Variants in SLC24A2 observed in about 807,000 individuals in gnomAD.
SLC24A2 encodes sodium/potassium/calcium exchanger 2.
SLC24A2 carries 36 observed loss-of-function variants against 62.0 expected under a neutral mutation model. The observed-to-expected ratio is 0.58, with a 90% CI of 0.44 to 0.77. The LOEUF is 0.77. SLC24A2 is among the 30% of genes least tolerant of loss of function. The pLI is 0.00. For synonymous variants in SLC24A2, 358 were observed against 294.0 expected (o/e 1.22, Z -2.23); for missense variants, 846 against 817.9 (o/e 1.03, Z -0.42).
intron 2 of SLC24A2, among the ~76,000 whole-genome samples, chr9:19,730,455 T>C (rs1821302919): frequency 6.6e-6 from 1 of 152,186 alleles, no homozygotes. Context: ...TATATTTTTG[T>C]GATTATAGAA....
intron 2 of SLC24A2, among the ~76,000 whole-genome samples, chr9:19,683,016 TAGGG>T (rs1181432856): frequency 3.3e-5 from 5 of 152,114 alleles, no homozygotes; most frequent in Non-Finnish European, 5.9e-5. Context: ...GCAGTAAAGC[TAGGG>T]ACCCACCGTG....
chr9:20,116,702 A>G, the SLC24A2 span, among the ~76,000 whole-genome samples: 1 of 152,160 alleles, frequency 6.6e-6, no homozygotes, highest in Non-Finnish European at 1.5e-5. Flanking sequence ...TACTTATGGA[A>G]TGTGTATAAA....
the SLC24A2 span, among the ~76,000 whole-genome samples, chr9:20,291,755 T>C: frequency 6.6e-6 from 1 of 152,204 alleles, no homozygotes; most frequent in Non-Finnish European, 1.5e-5. Context: ...ATCTTGAACG[T>C]AACAAAGATG....
chr9:20,287,541 G>A, the SLC24A2 span, among the ~76,000 whole-genome samples: 822 of 152,302 alleles, frequency 5.4e-3, 2 homozygotes, highest in Non-Finnish European at 8.9e-3. Flanking sequence ...AAATAAGACA[G>A]AGCAAGTATA....
chr9:20,276,391 A>G, the SLC24A2 span, among the ~76,000 whole-genome samples: 2 of 152,224 alleles, frequency 1.3e-5, no homozygotes, highest in African/African-American at 4.8e-5. Flanking sequence ...CATGTCTCGC[A>G]TCTTGGTCAC....
chr9:19,730,730 T>A (rs1821309958), intron 2 of SLC24A2, among the ~76,000 whole-genome samples: 1 of 152,184 alleles, frequency 6.6e-6, no homozygotes, highest in Admixed American at 6.6e-5. Context: ...TATGAATATA[T>A]TACTTTTGCA....
the SLC24A2 span, among the ~76,000 whole-genome samples, chr9:20,119,234 G>A: frequency 6.6e-6 from 1 of 152,044 alleles, no homozygotes; most frequent in African/African-American, 2.4e-5. Flanking sequence ...CTGGACTGTA[G>A]CCTTGTGAGA....
At chr9:19,965,158 GAAGT>G in the SLC24A2 span, among the ~76,000 whole-genome samples, 1 of 152,078 alleles carries the variant, frequency 6.6e-6, no homozygotes, top group Non-Finnish European at 1.5e-5. Flanking sequence ...AGAAAAGGTA[GAAGT>G]AATACCATAA....
intron 2 of SLC24A2, among the ~76,000 whole-genome samples, chr9:19,698,074 TAA>T (rs1328602058): frequency 1.3e-5 from 2 of 152,184 alleles, no homozygotes; most frequent in African/African-American, 4.8e-5. Flanking sequence ...TTAAATGATT[TAA>T]GTTTATTCTA....
chr9:20,093,388 G>A, the SLC24A2 span, among the ~76,000 whole-genome samples: 1 of 151,452 alleles, frequency 6.6e-6, no homozygotes, highest in Admixed American at 6.6e-5. Context: ...CAGGTTTTTG[G>A]GTACATTTAG....
intron 9 of SLC24A2, among the ~76,000 whole-genome samples, chr9:19,525,520 C>G (rs1399386674): frequency 6.7e-6 from 1 of 150,360 alleles, no homozygotes; most frequent in Non-Finnish European, 1.5e-5. Context: ...CCTCCCCACT[C>G]AACCTCCCGA....
chr9:20,256,150 C>G, the SLC24A2 span, among the ~76,000 whole-genome samples: 1 of 152,248 alleles, frequency 6.6e-6, no homozygotes, highest in Non-Finnish European at 1.5e-5. Context: ...CTGATCATCT[C>G]TCATTAGGCC....
At chr9:20,206,374 A>G in the SLC24A2 span, among the ~76,000 whole-genome samples, 45,295 of 152,144 alleles carry the variant, frequency 0.3, 8,425 homozygotes, top group African/African-American at 0.54. Flanking sequence ...AGAGACTTGC[A>G]AAAATGTAAA....
the SLC24A2 span, among the ~76,000 whole-genome samples, chr9:19,797,950 T>C: frequency 1.3e-5 from 2 of 152,224 alleles, no homozygotes; most frequent in Non-Finnish European, 2.9e-5. Context: ...TTTTCTATTG[T>C]AGGCTGTAAC....
At chr9:19,883,305 G>T in the SLC24A2 span, among the ~76,000 whole-genome samples, 1 of 152,132 alleles carries the variant, frequency 6.6e-6, no homozygotes, top group Non-Finnish European at 1.5e-5. Context: ...TAATTGTTAT[G>T]TCTAGACTGA....
the SLC24A2 span, among the ~76,000 whole-genome samples, chr9:20,187,152 A>C: frequency 1.3e-5 from 2 of 152,114 alleles, no homozygotes; most frequent in African/African-American, 2.4e-5. Context: ...GCTTATTTCC[A>C]GTGGTGTCAG....
At chr9:19,518,441 A>C (rs1586877152) in intron 10 of SLC24A2, among the ~76,000 whole-genome samples, 1 of 123,280 alleles carries the variant, frequency 8.1e-6, no homozygotes, top group East Asian at 2.3e-4. Context: ...TTTTTTTTTG[A>C]GATGGAGTCT....
intron 6 of SLC24A2, among the ~76,000 whole-genome samples, chr9:19,575,340 T>C (rs1374100731): frequency 1.3e-5 from 2 of 152,202 alleles, no homozygotes; most frequent in Non-Finnish European, 2.9e-5. Flanking sequence ...GCTGATGTGA[T>C]AAAACCTTAG....
chr9:20,017,977 C>T, the SLC24A2 span, among the ~76,000 whole-genome samples: 15 of 152,324 alleles, frequency 9.8e-5, no homozygotes, highest in East Asian at 1.9e-3. Flanking sequence ...CACGGAGTCT[C>T]GCTGTGTCAC....
Sources: gnomAD v4.1 joint callset for allele counts (sites outside exome capture counted in the v4.1 genomes callset) on GRCh38, gnomAD v4.1.1 for gene constraint, MANE v1.5 for transcripts, NCBI Gene and HGNC (gene_info 2026-07-23, HGNC 2026-07-21) for gene names.